NTRK3: variants seen among roughly 807,000 people sequenced by gnomAD.
NTRK3 encodes the protein NT-3 growth factor receptor.
In NTRK3, 24 loss-of-function variants were observed where a neutral mutation model predicts 91.7. The ratio of observed to expected loss-of-function variants is 0.26; its 90% confidence interval spans 0.19 to 0.37. The LOEUF (loss-of-function observed/expected upper bound fraction) is 0.37. Ranked by LOEUF, NTRK3 falls within the 10% of genes least tolerant of loss-of-function variation. The pLI is 1.00. For missense variants in NTRK3, 880 were observed against 1,068.9 expected (o/e 0.82, Z 2.46); for synonymous variants, 483 against 404.0 (o/e 1.20, Z -2.34).
intron 17 of NTRK3, among the ~76,000 whole-genome samples, chr15:87,894,997 T>C (rs1051365980): frequency 6.6e-6 from 1 of 152,168 alleles, no homozygotes; most frequent in African/African-American, 2.4e-5. Flanking sequence ...TCCTGGTATA[T>C]CTTTGTGGGG....
At chr15:88,152,095 G>C (rs1044227798) in intron 5 of NTRK3, among the ~76,000 whole-genome samples, 2 of 152,226 alleles carry the variant, frequency 1.3e-5, no homozygotes, top group African/African-American at 2.4e-5. Context: ...GATGTCAGCA[G>C]TTTGAGACCA....
chr15:87,956,178 G>C (rs1432967876), intron 14 of NTRK3, among the ~76,000 whole-genome samples: 1 of 152,158 alleles, frequency 6.6e-6, no homozygotes, highest in Non-Finnish European at 1.5e-5. Context: ...GATGGAAACT[G>C]ATTTTTCATC....
At chr15:88,002,412 A>C (rs1260865635) in intron 14 of NTRK3, among the ~76,000 whole-genome samples, 1 of 152,058 alleles carries the variant, frequency 6.6e-6, no homozygotes, top group Non-Finnish European at 1.5e-5. Context: ...GATAGTGTTT[A>C]TGTGCCCCAG....
chr15:87,906,484 G>A (rs372741977), intron 17 of NTRK3, among the ~76,000 whole-genome samples: 1 of 152,130 alleles, frequency 6.6e-6, no homozygotes, highest in East Asian at 1.9e-4. Flanking sequence ...GGTGTCAGAG[G>A]GAGATGAAAC....
chr15:88,142,202 C>G (rs2151271554), intron 6 of NTRK3, among the ~76,000 whole-genome samples: 1 of 152,324 alleles, frequency 6.6e-6, no homozygotes, highest in East Asian at 1.9e-4. Context: ...CCCATTGAAC[C>G]AGATCTCAAG....
intron 3 of NTRK3, among the ~76,000 whole-genome samples, chr15:88,225,061 A>G (rs2050556867): frequency 6.6e-6 from 1 of 152,180 alleles, no homozygotes; most frequent in African/African-American, 2.4e-5. Context: ...AATGCCAGCC[A>G]CTACCAAGAG....
chr15:87,974,917 C>A (rs542476352), intron 14 of NTRK3, among the ~76,000 whole-genome samples: 40 of 152,240 alleles, frequency 2.6e-4, no homozygotes, highest in Middle Eastern at 3.4e-3. Context: ...GTTTCACAAT[C>A]ATAGCCTTCC....
chr15:88,065,194 C>T (rs927014182), intron 13 of NTRK3, among the ~76,000 whole-genome samples: 4 of 152,092 alleles, frequency 2.6e-5, no homozygotes, highest in Non-Finnish European at 5.9e-5. Flanking sequence ...AGGAGGCCAA[C>T]CAAGCACTGA....
At chr15:88,011,451 A>T in intron 14 of NTRK3, among the ~76,000 whole-genome samples, 1 of 152,224 alleles carries the variant, frequency 6.6e-6, no homozygotes. Context: ...TCAACTCAAC[A>T]CACTATGGGG....
At chr15:87,946,912 C>T (rs538765237) in intron 14 of NTRK3, among the ~76,000 whole-genome samples, 144 of 123,716 alleles carry the variant, frequency 1.2e-3, no homozygotes, top group Middle Eastern at 6.2e-3. Context: ...GATGGAATCT[C>T]GCTCTATCGC....
chr15:87,973,227 C>T (rs1291837366), intron 14 of NTRK3, among the ~76,000 whole-genome samples: 1 of 152,122 alleles, frequency 6.6e-6, no homozygotes, highest in African/African-American at 2.4e-5. Flanking sequence ...GGGTGTTAGA[C>T]CTTATCACCC....
intron 6 of NTRK3, among the ~76,000 whole-genome samples, chr15:88,142,063 C>G (rs191502602): frequency 2.2e-4 from 33 of 152,150 alleles, no homozygotes; most frequent in African/African-American, 7.7e-4. Flanking sequence ...ACACCCTAGA[C>G]AGCCCACTGA....
At chr15:88,099,413 G>C (rs1597308091) in intron 13 of NTRK3, 1 of 186,174 alleles carries the variant, frequency 5.4e-6, no homozygotes, top group Non-Finnish European at 1.1e-5. Context: ...AGAGAGGCTG[G>C]ACAAGGGGAA....
At chr15:88,087,195 A>G (rs1172403119) in intron 13 of NTRK3, among the ~76,000 whole-genome samples, 2 of 152,218 alleles carry the variant, frequency 1.3e-5, no homozygotes, top group Non-Finnish European at 2.9e-5. Context: ...GAGTCATGAA[A>G]CGCATGCGTG....
chr15:88,133,098 A>T (rs1454482285), intron 10 of NTRK3, among the ~76,000 whole-genome samples: 1 of 152,142 alleles, frequency 6.6e-6, no homozygotes, highest in Non-Finnish European at 1.5e-5. Context: ...TGAGAACTTA[A>T]GTTTTAACAC....
chr15:88,102,727 C>A (rs924335754), intron 13 of NTRK3, among the ~76,000 whole-genome samples: 2 of 152,202 alleles, frequency 1.3e-5, no homozygotes, highest in African/African-American at 4.8e-5. Flanking sequence ...CCTCCGAAAT[C>A]TCCCCAAGAA....
chr15:88,009,811 A>G (rs1410082503), intron 14 of NTRK3, among the ~76,000 whole-genome samples: 2 of 152,056 alleles, frequency 1.3e-5, no homozygotes, highest in Non-Finnish European at 2.9e-5. Context: ...CCTTCTCTCC[A>G]CTGCAGTGTT....
At chr15:87,923,013 G>C (rs1345790428) in intron 17 of NTRK3, among the ~76,000 whole-genome samples, 1 of 152,182 alleles carries the variant, frequency 6.6e-6, no homozygotes, top group Non-Finnish European at 1.5e-5. Flanking sequence ...TTTGCAAGGA[G>C]AATAGAAAAG....
intron 13 of NTRK3, among the ~76,000 whole-genome samples, chr15:88,070,389 A>G (rs1201380124): frequency 1.3e-5 from 2 of 151,980 alleles, no homozygotes; most frequent in Non-Finnish European, 2.9e-5. Flanking sequence ...GGCTACCCAC[A>G]GAGAGGGGCG....
Sources: gnomAD v4.1 joint callset for allele counts (sites outside exome capture counted in the v4.1 genomes callset) on GRCh38, gnomAD v4.1.1 for gene constraint, MANE v1.5 for transcripts, NCBI Gene and HGNC (gene_info 2026-07-23, HGNC 2026-07-21) for gene names.